The following XKR6 variants were observed in gnomAD, a reference collection of about 807,000 sequenced individuals.
The protein encoded by XKR6 is XK related 6, also known as XK-related protein 6.
A neutral mutation model predicts 56.7 loss-of-function variants in XKR6; 22 were observed. The observed-to-expected ratio is 0.39, with a 90% confidence interval of 0.28 to 0.55. The LOEUF (loss-of-function observed/expected upper bound fraction) is 0.55. Among genes scored for constraint, XKR6 ranks in the 20% least tolerant of loss-of-function variants. The probability of loss-of-function intolerance (pLI) is 0.66; values close to 1 mark genes in which losing one functional copy is unlikely to be tolerated. For synonymous variants in XKR6, 524 were observed against 387.8 expected (o/e 1.35, Z -4.13); for missense variants, 852 against 889.0 (o/e 0.96, Z 0.53).
chr8:11,153,361 T>A (rs1801353811), intron 1 of XKR6, among the ~76,000 whole-genome samples: 1 of 152,216 alleles, frequency 6.6e-6, no homozygotes, highest in Admixed American at 6.5e-5. Context: ...GAACAAGCAT[T>A]TCTGAAAATG....
At chr8:11,026,184 A>G (rs1259858357) in intron 1 of XKR6, among the ~76,000 whole-genome samples, 1 of 152,090 alleles carries the variant, frequency 6.6e-6, no homozygotes, top group East Asian at 1.9e-4. Context: ...CTAGCCTACT[A>G]CACACCTAGA....
Position 10,946,571 on chromosome 8 carries a change from G to A in XKR6, c.765-21741C>T, listed in dbSNP as rs116568661. Among the ~76,000 whole-genome samples the A allele has an allele frequency of 8.2e-3, 1,242 of 151,978 alleles. 26 individuals are homozygous for A. The highest frequency in any genetic ancestry group is 0.028 in the African/African-American group (1,167 of 41,404). On this transcript the variant is annotated intron_variant, in intron 1 of 2. Transcript: ENST00000416569. ...GTCCTGCGGTTTTCCCTCCCCACGG[G>A]CTATGCTGTCCCACAATCTGCCCGA...
chr8:11,109,303 A>C (rs1358087640), intron 1 of XKR6: 1 of 152,178 alleles, frequency 6.6e-6, no homozygotes, highest in Non-Finnish European at 1.5e-5. Context: ...TTATTTTCTA[A>C]AGTTATCCAA....
intron 1 of XKR6, among the ~76,000 whole-genome samples, chr8:10,942,915 G>T (rs1305834024): frequency 1.3e-5 from 2 of 152,252 alleles, no homozygotes; most frequent in Non-Finnish European, 2.9e-5. Flanking sequence ...TTGCCTCCTT[G>T]TTTGTCCTTT....
chr8:11,090,190 T>C (rs1322010079), intron 1 of XKR6, among the ~76,000 whole-genome samples: 1 of 152,192 alleles, frequency 6.6e-6, no homozygotes, highest in Non-Finnish European at 1.5e-5. Flanking sequence ...GCTCAAGCGA[T>C]CCTCCCACCT....
At chr8:10,981,562 C>G (rs1330158673) in intron 1 of XKR6, among the ~76,000 whole-genome samples, 1 of 152,146 alleles carries the variant, frequency 6.6e-6, no homozygotes, top group African/African-American at 2.4e-5. Context: ...CTGCCATTTT[C>G]TAAATGTAAA....
At chr8:11,024,998 A>G (rs139536957) in intron 1 of XKR6, among the ~76,000 whole-genome samples, 27 of 152,342 alleles carry the variant, frequency 1.8e-4, no homozygotes, top group African/African-American at 6.0e-4. Flanking sequence ...CAGTAACCAA[A>G]GTCCACAGGA....
chr8:10,910,670 C>G (rs1800325078), intron 2 of XKR6, among the ~76,000 whole-genome samples: 1 of 152,204 alleles, frequency 6.6e-6, no homozygotes, highest in African/African-American at 2.4e-5. Context: ...CCAGACCTCC[C>G]CTCAAGGAGT....
chr8:10,958,541 G>A (rs1247793777), intron 1 of XKR6, among the ~76,000 whole-genome samples: 2 of 152,170 alleles, frequency 1.3e-5, no homozygotes, highest in East Asian at 3.9e-4. Context: ...CATCACCCGA[G>A]ACATGGCATG....
At chr8:11,011,952 G>A (rs1798509768) in intron 1 of XKR6, among the ~76,000 whole-genome samples, 1 of 152,248 alleles carries the variant, frequency 6.6e-6, no homozygotes, top group Non-Finnish European at 1.5e-5. Flanking sequence ...AGATGGTGCA[G>A]GAGGTGGCAG....
intron 1 of XKR6, among the ~76,000 whole-genome samples, chr8:11,062,114 C>A (rs769340637): frequency 6.6e-6 from 1 of 152,146 alleles, no homozygotes; most frequent in Non-Finnish European, 1.5e-5. Context: ...TGACAGCAGA[C>A]AGCAAATAAT....
intron 2 of XKR6, among the ~76,000 whole-genome samples, chr8:10,904,319 G>T (rs190163966): frequency 6.6e-6 from 1 of 152,250 alleles, no homozygotes; most frequent in East Asian, 1.9e-4. Context: ...CCAGAGAAAG[G>T]CTTGGAGAAA....
At chr8:10,918,701 A>T (rs1800630761) in intron 2 of XKR6, among the ~76,000 whole-genome samples, 1 of 152,188 alleles carries the variant, frequency 6.6e-6, no homozygotes, top group South Asian at 2.1e-4. Flanking sequence ...GAATCCCCAA[A>T]GGAGGAAGGA....
At chr8:11,181,279 T>C (rs1313071445) in intron 1 of XKR6, among the ~76,000 whole-genome samples, 1 of 152,242 alleles carries the variant, frequency 6.6e-6, no homozygotes, top group Non-Finnish European at 1.5e-5. Context: ...TGATATTTCA[T>C]AATGAAATTT....
chr8:11,165,296 C>G (rs1293213044), intron 1 of XKR6, among the ~76,000 whole-genome samples: 1 of 151,924 alleles, frequency 6.6e-6, no homozygotes, highest in Non-Finnish European at 1.5e-5. Context: ...GATGGGGTTT[C>G]ACCATGTTGG....
intron 1 of XKR6, among the ~76,000 whole-genome samples, chr8:11,133,463 C>A (rs1463275790): frequency 6.6e-6 from 1 of 152,050 alleles, no homozygotes; most frequent in African/African-American, 2.4e-5. Context: ...TAGGAGGAGA[C>A]CAAGCTCTCC....
chr8:10,986,394 C>A (rs940578132), intron 1 of XKR6, among the ~76,000 whole-genome samples: 3 of 152,016 alleles, frequency 2.0e-5, no homozygotes, highest in African/African-American at 7.2e-5. Flanking sequence ...ACATGATGCC[C>A]AGAATAAAAG....
chr8:11,144,359 T>C (rs1563171349), intron 1 of XKR6, among the ~76,000 whole-genome samples: 1 of 148,464 alleles, frequency 6.7e-6, no homozygotes, highest in Non-Finnish European at 1.5e-5. Flanking sequence ...AAGTGAGAAG[T>C]GATGATACTA....
intron 1 of XKR6, among the ~76,000 whole-genome samples, chr8:11,060,448 C>G (rs1158331457): frequency 6.6e-6 from 1 of 152,208 alleles, no homozygotes; most frequent in Admixed American, 6.5e-5. Context: ...TGGCGCCACC[C>G]GCCGGGAACT....
Sources: allele counts gnomAD v4.1 joint callset (sites outside exome capture counted in the v4.1 genomes callset), GRCh38; gene constraint gnomAD v4.1.1; transcripts MANE v1.5; gene names NCBI Gene and HGNC (gene_info 2026-07-23, HGNC 2026-07-21).